Variants in FRRS1 observed in about 807,000 individuals in gnomAD.
FRRS1 encodes the protein ferric chelate reductase 1.
FRRS1 carries 51 observed loss-of-function variants against 70.7 expected under a neutral mutation model. The ratio of observed to expected loss-of-function variants is 0.72; its 90% CI spans 0.58 to 0.91. The LOEUF is 0.91. Ranked by LOEUF, FRRS1 falls within the 40% of genes least tolerant of loss-of-function variation. FRRS1 has a pLI of 0.00. For synonymous variants in FRRS1, 225 were observed against 238.7 expected (o/e 0.94, Z 0.53); for missense variants, 672 against 726.0 (o/e 0.93, Z 0.86).
At chr1:99,732,654 A>G (rs973003295) in intron 7 of FRRS1, among the ~76,000 whole-genome samples, 18 of 152,202 alleles carry the variant, frequency 1.2e-4, no homozygotes, top group African/African-American at 4.1e-4. Flanking sequence ...TGAAAATTTT[A>G]AGAAACAGGT....
In FRRS1 at chr1:99,708,756, G is replaced by T; in HGVS notation, c.*272C>A. On this transcript the variant is annotated 3_prime_UTR_variant, in exon 17 of 17. Transcript: ENST00000646001. ...AAATACCAACATTCTTAAAATCTTGGCATGAAATATTTGAGAGTTACTTCT... is the reference window on the plus strand; with the variant it reads ...AAATACCAACATTCTTAAAATCTTGTCATGAAATATTTGAGAGTTACTTCT... The T allele has an allele frequency of 5.6e-6, 3 of 533,176 alleles. No homozygotes were observed. The highest frequency in any genetic ancestry group is 3.1e-4 in the Middle Eastern group (1 of 3,226). 33.0% of individuals were successfully genotyped at this position (533,176 alleles called of 1,614,324 possible). A position where few individuals can be genotyped will look rare whatever the true frequency, so the allele number is the denominator to read the frequency against.
chr1:99,756,785 T>A (rs1210423667), intron 1 of FRRS1, among the ~76,000 whole-genome samples: 1 of 152,144 alleles, frequency 6.6e-6, no homozygotes, highest in East Asian at 1.9e-4. Flanking sequence ...AAACAGTGAA[T>A]CATGTCTAGT....
intron 10 of FRRS1, among the ~76,000 whole-genome samples, chr1:99,718,693 T>G (rs1654657062): frequency 6.6e-6 from 1 of 152,190 alleles, no homozygotes; most frequent in African/African-American, 2.4e-5. Context: ...GTATTATATA[T>G]GATGCCTAAG....
In FRRS1 at chr1:99,730,664, C is replaced by G. The variant is rs142832633; in HGVS notation, c.760-916G>C. ...GGGCAGATCACGAGGTCAGGAGATC[C>G]AGACCATCCTGGCTAACATGGTGAA... On this transcript the variant is annotated intron_variant, in intron 7 of 16. Transcript: ENST00000646001. 4.8e-3 allele frequency among the ~76,000 whole-genome samples: 728 copies of G among 152,064 alleles called. 4 individuals are homozygous for G. The highest frequency in any genetic ancestry group is 8.7e-3 in the African/African-American group (361 of 41,514).
Position 99,748,648 on chromosome 1 carries a change from G to A in FRRS1, c.121C>T (p.His41Tyr), listed in dbSNP as rs749052915. Residue 41 changes from histidine (H) to tyrosine (Y), a missense_variant, in exon 3 of 17, where the codon CAT becomes TAT. Physicochemically the swap from His to Tyr is moderately conservative, Grantham distance 83. Transcript: ENST00000646001. Reference protein sequence around the residue: ...SCHGMIPEHGHSPQSVPVHDI... With the variant: ...SCHGMIPEHGYSPQSVPVHDI... ...TGAACAGGAACAGACTGTGGACTAT[G>A]ACCATGTTCAGGAATCATTCCATGG... 1 of 1,613,888 alleles carries A rather than the reference G, an allele frequency of 6.2e-7. No homozygotes were observed. The highest frequency in any genetic ancestry group is 1.3e-5 in the African/African-American group (1 of 75,042).
chr1:99,746,148 G>A (rs1656252942), intron 4 of FRRS1, among the ~76,000 whole-genome samples: 1 of 152,152 alleles, frequency 6.6e-6, no homozygotes, highest in Non-Finnish European at 1.5e-5. Context: ...CTGCTACCCA[G>A]AACCCCATGA....
At chr1:99,752,509 G>T (rs1656619152) in intron 1 of FRRS1, among the ~76,000 whole-genome samples, 1 of 152,178 alleles carries the variant, frequency 6.6e-6, no homozygotes, top group Admixed American at 6.5e-5. Context: ...TATCAATTAA[G>T]TTTGCCATCT....
At chr1:99,761,649 C>G (rs1657116438) in intron 1 of FRRS1, among the ~76,000 whole-genome samples, 1 of 152,076 alleles carries the variant, frequency 6.6e-6, no homozygotes, top group Admixed American at 6.5e-5. Flanking sequence ...AATAATGTTA[C>G]TATTTATTAA....
chr1:99,748,703 A>G lies in FRRS1; in HGVS notation c.66T>C (p.Asn22=), dbSNP rs372081242. 1.7e-4 allele frequency: 269 copies of G among 1,614,138 alleles called. No homozygotes were observed. The highest frequency in any genetic ancestry group is 9.9e-4 in the Middle Eastern group (6 of 6,062). The part of the protein sequence containing the change: ...ILLLHISYVA[N]YPNGKVTQSC... Reference sequence around the variant, plus strand: ...ACTGTGTTACTTTTCCATTGGGATAATTAGCCACATAACTAATGTGCAACA... The same window carrying G: ...ACTGTGTTACTTTTCCATTGGGATAGTTAGCCACATAACTAATGTGCAACA... The change falls in exon 3 of 17, where the codon AAT becomes AAC. Residue 22 remains asparagine (N), a synonymous_variant. Transcript: ENST00000646001.
intron 10 of FRRS1, among the ~76,000 whole-genome samples, chr1:99,719,088 T>C (rs970344484): frequency 2.0e-5 from 3 of 150,464 alleles, no homozygotes; most frequent in Non-Finnish European, 4.4e-5. Flanking sequence ...AAAAAGATGA[T>C]GCTGCCTGCA....
chr1:99,719,608 T>C lies in FRRS1; in HGVS notation c.1046A>G (p.Tyr349Cys), dbSNP rs774039436. The change falls in exon 10 of 17, where the codon TAT becomes TGT. Residue 349 changes from tyrosine (Y) to cysteine (C), a missense_variant. By Grantham distance (194) the Tyr-to-Cys change is radical (BLOSUM62 -2). Transcript: ENST00000646001. ...AGAGTCTGTCACATCATATTTTTCA[T>C]AGGTAATCAAAGGTTGCTGAGAGTG... ...YKHSQQPLIT[Y>C]EKYDVTDSPK... is the part of the protein sequence containing the mutation. 1.5e-5 allele frequency: 24 copies of C among 1,611,288 alleles called. No homozygotes were observed. The highest frequency in any genetic ancestry group is 4.0e-5 in the African/African-American group (3 of 74,830).
intron 1 of FRRS1, among the ~76,000 whole-genome samples, chr1:99,757,834 C>G (rs1319764393): frequency 6.6e-6 from 1 of 151,732 alleles, no homozygotes; most frequent in Admixed American, 6.6e-5. Flanking sequence ...TATTTCTAGG[C>G]TTTTGGCCTG....
intron 4 of FRRS1, among the ~76,000 whole-genome samples, chr1:99,743,724 T>C (rs1478852442): frequency 6.6e-6 from 1 of 152,172 alleles, no homozygotes; most frequent in African/African-American, 2.4e-5. Flanking sequence ...AATTTTTGTA[T>C]TGTTTTGTAG....
intron 1 of FRRS1, among the ~76,000 whole-genome samples, chr1:99,758,883 C>CTGTCTTA (rs1656978826): frequency 6.6e-6 from 1 of 152,124 alleles, no homozygotes; most frequent in Non-Finnish European, 1.5e-5. Context: ...CTGGGAATGT[C>CTGTCTTA]TGTCTTATGG....
At chr1:99,760,812 G>A (rs536398858) in intron 1 of FRRS1, among the ~76,000 whole-genome samples, 2 of 152,190 alleles carry the variant, frequency 1.3e-5, no homozygotes, top group South Asian at 4.1e-4. Context: ...ACCATGCCTG[G>A]CTAATTTTTG....
chr1:99,715,087 G>A (rs890382328), intron 12 of FRRS1, among the ~76,000 whole-genome samples: 3 of 152,068 alleles, frequency 2.0e-5, no homozygotes. Context: ...GAATTCCTGA[G>A]CTCAAGCAAT....
intron 1 of FRRS1, among the ~76,000 whole-genome samples, chr1:99,750,051 G>C (rs1416234): frequency 0.49 from 75,221 of 152,122 alleles, 22,616 homozygotes; most frequent in African/African-American, 0.85. Flanking sequence ...TCAATCAGGA[G>C]CAACTATTTA....
chr1:99,753,243 G>T (rs990091480), intron 1 of FRRS1, among the ~76,000 whole-genome samples: 1 of 149,586 alleles, frequency 6.7e-6, no homozygotes, highest in African/African-American at 2.5e-5. Context: ...AAAAAAGGCT[G>T]GGTGCGGTGG....
chr1:99,706,992 A>C lies in FRRS1; in HGVS notation c.*2036T>G, dbSNP rs1252585042. On this transcript the variant is annotated 3_prime_UTR_variant, in exon 17 of 17. Transcript: ENST00000646001. ...CCTTAGTATAGAAAACTGGAGGAAA[A>C]TAACTTTAGTACACACTTAATTTGC... is the stretch of plus-strand genomic sequence containing the variant. Among the ~76,000 whole-genome samples the C allele has an allele frequency of 6.6e-6, 1 of 152,218 alleles. No individual in the cohort carries two copies. The highest frequency in any genetic ancestry group is 1.5e-5 in the Non-Finnish European group (1 of 68,030).
Sources: gnomAD v4.1 joint callset for allele counts (sites outside exome capture counted in the v4.1 genomes callset) on GRCh38, gnomAD v4.1.1 for gene constraint, MANE v1.5 for transcripts, NCBI Gene and HGNC (gene_info 2026-07-23, HGNC 2026-07-21) for gene names.